The following JRK variants were observed in gnomAD, a reference collection of about 807,000 sequenced individuals.
JRK encodes the protein Jrk helix-turn-helix protein.
For missense variants in JRK, 720 were observed against 509.2 expected (o/e 1.41, Z -3.98); for synonymous variants, 303 against 218.1 (o/e 1.39, Z -3.43).
rs1587519220 is a variant in JRK, at chr8:142,661,713, C to G, written c.*2639G>C. The G allele has an allele frequency of 1.0e-6, 1 of 985,392 alleles. No individual in the cohort carries two copies. The highest frequency in any genetic ancestry group is 1.7e-5 in the African/African-American group (1 of 57,244). The allele number at this position is 985,392 out of a possible 1,614,324, so 61.0% of individuals were successfully genotyped here. Reference sequence around the variant, plus strand: ...CCAGGGGCCTCAGCAGCCCCAGAAACAGAGTGAAGAGACACAGCCTCACAG... The same window carrying G: ...CCAGGGGCCTCAGCAGCCCCAGAAAGAGAGTGAAGAGACACAGCCTCACAG... On this transcript the variant is annotated 3_prime_UTR_variant, in exon 2 of 2. Coordinates refer to ENST00000612905, the MANE Select transcript of JRK (RefSeq NM_003724.4).
At position 142,662,375 on chromosome 8, in the gene JRK, C is replaced by T. The variant is rs1587520316; in HGVS notation, c.*1977G>A. On this transcript the variant is annotated 3_prime_UTR_variant, in exon 2 of 2. Coordinates refer to ENST00000612905, the MANE Select transcript of JRK (RefSeq NM_003724.4). ...CAGAGCCCTCGGGACATGTTCTAAC[C>T]TCCTGTGTTGCCTCAAGCAGCTGCA... 1.0e-6 allele frequency: 1 copy of T among 985,336 alleles called. No homozygotes were observed. Among genetic ancestry groups the T allele is most frequent in the Non-Finnish European group, 1.2e-6 (1 of 829,980 alleles). 61.0% of individuals were successfully genotyped at this position (985,336 alleles called of 1,614,324 possible).
At position 142,661,513 on chromosome 8, in the gene JRK, C is replaced by T; in HGVS notation, c.*2839G>A. The T allele has an allele frequency of 1.0e-6, 1 of 985,524 alleles. No homozygotes were observed. Among genetic ancestry groups the T allele is most frequent in the Non-Finnish European group, 1.2e-6 (1 of 829,992 alleles). 61.0% of individuals were successfully genotyped at this position (985,524 alleles called of 1,614,324 possible). A position where few individuals can be genotyped will look rare whatever the true frequency, so the allele number is the denominator to read the frequency against. ...GGAAGCAGCCACAGAGGTCCCAAACCATATGACGCAGCACCTGCTACCCCA... is the reference window on the plus strand; with the variant it reads ...GGAAGCAGCCACAGAGGTCCCAAACTATATGACGCAGCACCTGCTACCCCA... On this transcript the variant is annotated 3_prime_UTR_variant, in exon 2 of 2. Transcript: ENST00000612905.
chr8:142,651,271 T>TA, the JRK span, among the ~76,000 whole-genome samples: 5,338 of 151,486 alleles, frequency 0.035, 118 homozygotes, highest in Non-Finnish European at 0.053. Flanking sequence ...TGAGCTCCTT[T>TA]AAAAAAAAAG....
chr8:142,669,935 G>T lies in JRK; in HGVS notation c.-466C>A, dbSNP rs1260786915. 6.5e-6 allele frequency: 1 copy of T among 153,138 alleles called. No individual in the cohort carries two copies. The highest frequency in any genetic ancestry group is 1.5e-5 in the Non-Finnish European group (1 of 68,318). 9.5% of individuals were successfully genotyped at this position (153,138 alleles called of 1,614,324 possible). A position where few individuals can be genotyped will look rare whatever the true frequency, so the allele number is the denominator to read the frequency against. On this transcript the variant is annotated 5_prime_UTR_variant, in exon 1 of 2. Coordinates refer to ENST00000612905, the MANE Select transcript of JRK (RefSeq NM_003724.4). ...CTCAGGCCAGGACCCTACTCACCCTGCTCACCCGGAGCAGCCGCCGCCGGC... is the reference window on the plus strand; with the variant it reads ...CTCAGGCCAGGACCCTACTCACCCTTCTCACCCGGAGCAGCCGCCGCCGGC...
rs782469946 is a variant in JRK, at chr8:142,659,033, T to C, written c.*5319A>G. 2.1e-4 allele frequency: 312 copies of C among 1,480,500 alleles called. No homozygotes were observed. Among genetic ancestry groups the C allele is most frequent in the Middle Eastern group, 7.1e-4 (4 of 5,652 alleles). The allele number at this position is 1,480,500 out of a possible 1,614,324, so 91.7% of individuals were successfully genotyped here. ...AGTCACTTCCCTCTGCCAGGGAGAA[T>C]GGTGGAGGAAGAATGGATTCCTAGT... On this transcript the variant is annotated 3_prime_UTR_variant, in exon 2 of 2. Coordinates refer to ENST00000612905, the MANE Select transcript of JRK (RefSeq NM_003724.4).
chr8:142,660,613 G>T lies in JRK; in HGVS notation c.*3739C>A. 3 of 839,550 alleles carry T rather than the reference G, an allele frequency of 3.6e-6. No homozygotes were observed. The highest frequency in any genetic ancestry group is 4.3e-6 in the Non-Finnish European group (3 of 698,644). The allele number at this position is 839,550 out of a possible 1,614,324, so 52.0% of individuals were successfully genotyped here. On this transcript the variant is annotated 3_prime_UTR_variant, in exon 2 of 2. Transcript: ENST00000612905. ...GATGGGGTCTCCCTATGTTGCCCAG[G>T]CTGGTTTCAAACTCCTGAACTAAAG...
the JRK span, among the ~76,000 whole-genome samples, chr8:142,651,079 G>T: frequency 6.6e-6 from 1 of 151,988 alleles, no homozygotes; most frequent in African/African-American, 2.4e-5. Context: ...AGAAAGGAGA[G>T]ACAGCAGAAG....
At chr8:142,657,177 T>C (rs587741545), downstream of JRK, among the ~76,000 whole-genome samples, 37 of 152,274 alleles carry the variant, frequency 2.4e-4, no homozygotes, top group Middle Eastern at 3.4e-3. Context: ...TGGGCTGACT[T>C]GCACTGCTAG....
chr8:142,661,469 G>A lies in JRK; in HGVS notation c.*2883C>T, dbSNP rs1250745427. 1.0e-6 allele frequency: 1 copy of A among 985,448 alleles called. No homozygotes were observed. The highest frequency in any genetic ancestry group is 1.2e-6 in the Non-Finnish European group (1 of 830,022). The allele number at this position is 985,448 out of a possible 1,614,324, so 61.0% of individuals were successfully genotyped here. ...CCAAAGATGAAGGCAGTGGTGGAAA[G>A]AGGTTCTATTAGCAGGCTGGAAGCA... is the stretch of plus-strand genomic sequence containing the variant. On this transcript the variant is annotated 3_prime_UTR_variant, in exon 2 of 2. Transcript: ENST00000612905.
At chr8:142,666,958 A>C in intron 1 of JRK, among the ~76,000 whole-genome samples, 1 of 152,128 alleles carries the variant, frequency 6.6e-6, no homozygotes, top group East Asian at 1.9e-4. Flanking sequence ...CAAATCCCTT[A>C]TTCCTCCCTG....
the JRK span, among the ~76,000 whole-genome samples, chr8:142,651,761 A>T: frequency 1.3e-5 from 2 of 152,238 alleles, no homozygotes; most frequent in Non-Finnish European, 2.9e-5. Context: ...CTCTAACAGT[A>T]AGCAGAAATT....
the JRK span, among the ~76,000 whole-genome samples, chr8:142,651,555 TTTTTGG>T: frequency 1.4e-5 from 2 of 142,128 alleles, no homozygotes; most frequent in African/African-American, 5.3e-5. Context: ...TTTTTTTTTT[TTTTTGG>T]TGGGAATTTA....
At position 142,659,266 on chromosome 8, in the gene JRK, C is replaced by T; in HGVS notation, c.*5086G>A. The T allele has an allele frequency of 1.1e-5, 12 of 1,075,230 alleles. No individual in the cohort carries two copies. Among genetic ancestry groups the T allele is most frequent in the East Asian group, 7.5e-5 (1 of 13,320 alleles). The allele number at this position is 1,075,230 out of a possible 1,614,324, so 66.6% of individuals were successfully genotyped here. ...AAATGGGCCCAGGGACATGCCTTGG[C>T]TTGGGGTGGCTTAGGACCAGGGCAA... On this transcript the variant is annotated 3_prime_UTR_variant, in exon 2 of 2. Transcript: ENST00000612905.
chr8:142,668,788 G>T (rs1027037338), intron 1 of JRK, among the ~76,000 whole-genome samples: 2 of 151,484 alleles, frequency 1.3e-5, no homozygotes, highest in Non-Finnish European at 2.9e-5. Flanking sequence ...AGTGTGTTCT[G>T]CCAGTTTGTG....
the JRK span, among the ~76,000 whole-genome samples, chr8:142,645,822 A>G: frequency 3.9e-5 from 6 of 152,242 alleles, no homozygotes; most frequent in Non-Finnish European, 5.9e-5. Context: ...TTGATCATAC[A>G]GGATTCTGTC....
rs1191224703 is a variant in JRK at position 142,664,953 on chromosome 8, G to A, written c.1106C>T (p.Ala369Val). 8 of 782,400 alleles carry A rather than the reference G, an allele frequency of 1.0e-5. No individual in the cohort carries two copies. Among genetic ancestry groups the A allele is most frequent in the Non-Finnish European group, 1.8e-5 (8 of 434,100 alleles). 48.5% of individuals were successfully genotyped at this position (782,400 alleles called of 1,614,324 possible). Residue 369 changes from alanine to valine, a missense_variant, in exon 2 of 2, where the codon GCC becomes GTC. Ala to Val is a moderately conservative substitution (Grantham distance 64). Coordinates refer to ENST00000612905, the MANE Select transcript of JRK (RefSeq NM_003724.4). ...GACGTGGCTAGGGACTGCGTTCCAG[G>A]CACAGGCCACGCTGAATATGGCATC... ...MNDAIFSVAC[A>V]WNAVPSHVFR...
the JRK span, among the ~76,000 whole-genome samples, chr8:142,652,447 T>C: frequency 6.6e-6 from 1 of 152,170 alleles, no homozygotes; most frequent in Non-Finnish European, 1.5e-5. Context: ...CAACTCAAAG[T>C]GGGGCAGGGG....
rs1424978735 is a variant in JRK at position 142,669,963 on chromosome 8, G to C, written c.-494C>G. 1 of 153,710 alleles carries C rather than the reference G, an allele frequency of 6.5e-6. No homozygotes were observed. Among genetic ancestry groups the C allele is most frequent in the East Asian group, 1.9e-4 (1 of 5,218 alleles). 9.5% of individuals were successfully genotyped at this position (153,710 alleles called of 1,614,324 possible). ...CACCCGGAGCAGCCGCCGCCGGCCG[G>C]AAGTGCCGGCCACTCGGTTCTCCTC... On this transcript the variant is annotated 5_prime_UTR_variant, in exon 1 of 2. Coordinates refer to ENST00000612905, the MANE Select transcript of JRK (RefSeq NM_003724.4).
In JRK at chr8:142,664,954, C is replaced by A. The variant is rs781998245; in HGVS notation, c.1105G>T (p.Ala369Ser). 6 of 777,942 alleles carry A rather than the reference C, an allele frequency of 7.7e-6. No homozygotes were observed. The highest frequency in any genetic ancestry group is 4.2e-5 in the South Asian group (3 of 70,718). 48.2% of individuals were successfully genotyped at this position (777,942 alleles called of 1,614,324 possible). A position where few individuals can be genotyped will look rare whatever the true frequency, so the allele number is the denominator to read the frequency against. ...MNDAIFSVACAWNAVPSHVFR... is the reference protein window; with the variant it reads ...MNDAIFSVACSWNAVPSHVFR... ...ACGTGGCTAGGGACTGCGTTCCAGGCACAGGCCACGCTGAATATGGCATCG... is the reference window on the plus strand; with the variant it reads ...ACGTGGCTAGGGACTGCGTTCCAGGAACAGGCCACGCTGAATATGGCATCG... The change falls in exon 2 of 2, where the codon GCC (alanine) becomes TCC (serine). Residue 369 changes from alanine to serine, a missense_variant. Ala to Ser is a moderately conservative substitution (Grantham distance 99). Coordinates refer to ENST00000612905, the MANE Select transcript of JRK (RefSeq NM_003724.4).
Sources: allele counts gnomAD v4.1 joint callset (sites outside exome capture counted in the v4.1 genomes callset), GRCh38; gene constraint gnomAD v4.1.1; transcripts MANE v1.5; gene names NCBI Gene and HGNC (gene_info 2026-07-23, HGNC 2026-07-21).